The following PTPN9 variants were observed in gnomAD, a reference collection of about 807,000 sequenced individuals.
The protein encoded by PTPN9 is protein tyrosine phosphatase non-receptor type 9.
Under a neutral mutation model 69.8 loss-of-function variants are expected in PTPN9, and 26 were observed. The ratio of observed to expected loss-of-function variants is 0.37; its 90% CI spans 0.27 to 0.52. The LOEUF is 0.52. Among genes scored for constraint, PTPN9 ranks in the 20% least tolerant of loss-of-function variants. The pLI is 0.91. For missense variants in PTPN9, 549 were observed against 740.3 expected, an observed-to-expected ratio of 0.74 and a Z score of 3.00; for synonymous variants, 274 against 272.5, an observed-to-expected ratio of 1.01 and a Z score of -0.05.
At chr15:75,551,137 G>A (rs1256159397) in intron 1 of PTPN9, among the ~76,000 whole-genome samples, 1 of 152,124 alleles carries the variant, frequency 6.6e-6, no homozygotes, top group Non-Finnish European at 1.5e-5. Context: ...AAATCTCACT[G>A]TTGCCCAGGC....
At chr15:75,528,490 C>T (rs1169662948) in intron 1 of PTPN9, among the ~76,000 whole-genome samples, 3 of 151,952 alleles carry the variant, frequency 2.0e-5, no homozygotes, top group African/African-American at 7.3e-5. Context: ...TCAAACAATC[C>T]TCCAGCCTCA....
chr15:75,470,191 A>G (rs189712497), intron 11 of PTPN9, among the ~76,000 whole-genome samples, 192 bp from the exon 12 acceptor site: 99 of 152,230 alleles, frequency 6.5e-4, no homozygotes, highest in Admixed American at 2.2e-3. Flanking sequence ...AAAAGGCAGA[A>G]TTCCTATACT....
intron 4 of PTPN9, among the ~76,000 whole-genome samples, chr15:75,521,881 C>T (rs1406856342): frequency 2.0e-5 from 3 of 152,056 alleles, no homozygotes; most frequent in Admixed American, 6.6e-5. Flanking sequence ...AGTTTCCTGC[C>T]CTCAAGAAGC....
intron 1 of PTPN9, among the ~76,000 whole-genome samples, chr15:75,549,068 C>T (rs1416835093): frequency 2.0e-5 from 3 of 152,186 alleles, no homozygotes; most frequent in Non-Finnish European, 4.4e-5. Context: ...AAGCAATCCT[C>T]CCATCTCAGC....
intron 7 of PTPN9, among the ~76,000 whole-genome samples, chr15:75,491,064 G>A (rs946791632): frequency 6.6e-6 from 1 of 152,102 alleles, no homozygotes; most frequent in African/African-American, 2.4e-5. Flanking sequence ...CGCTATGACA[G>A]CGCCACTGCA....
At chr15:75,503,195 G>A (rs1431512023) in intron 7 of PTPN9, among the ~76,000 whole-genome samples, 1 of 150,480 alleles carries the variant, frequency 6.6e-6, no homozygotes, top group Admixed American at 6.6e-5. Context: ...AGTGAGGAGC[G>A]CCTCTTCCCG....
At chr15:75,567,900 G>T (rs2075133174) in intron 1 of PTPN9, among the ~76,000 whole-genome samples, 1 of 151,738 alleles carries the variant, frequency 6.6e-6, no homozygotes, top group Non-Finnish European at 1.5e-5. Flanking sequence ...GGAGACTGAG[G>T]CAAGAGAATG....
intron 1 of PTPN9, among the ~76,000 whole-genome samples, chr15:75,578,153 T>C (rs2075182394): frequency 6.6e-6 from 1 of 151,942 alleles, no homozygotes; most frequent in Non-Finnish European, 1.5e-5. Flanking sequence ...GCCAGGGACT[T>C]TAGGAACACG....
intron 6 of PTPN9, 141 bp from the exon 7 acceptor site, chr15:75,506,144 A>C: frequency 1.5e-6 from 1 of 685,324 alleles, no homozygotes; most frequent in Non-Finnish European, 2.4e-6. Flanking sequence ...TAAAAGTAGT[A>C]GACTACATTT....
chr15:75,522,401 T>G (rs1462240925), intron 4 of PTPN9, among the ~76,000 whole-genome samples: 4 of 150,562 alleles, frequency 2.7e-5, no homozygotes, highest in African/African-American at 5.0e-5. Flanking sequence ...TTTTGTGGGG[T>G]TTTTTTTGAG....
intron 1 of PTPN9, among the ~76,000 whole-genome samples, chr15:75,552,224 C>G (rs1015548119): frequency 1.3e-5 from 2 of 151,008 alleles, no homozygotes; most frequent in African/African-American, 4.9e-5. Flanking sequence ...CATAGAGAAA[C>G]CCCATCTCTA....
At chr15:75,567,338 A>G (rs1260442965) in intron 1 of PTPN9, among the ~76,000 whole-genome samples, 5 of 152,150 alleles carry the variant, frequency 3.3e-5, no homozygotes, top group Admixed American at 1.3e-4. Context: ...CATTTTTTAA[A>G]AGATTGGTTG....
At chr15:75,478,306 T>C (rs941145974) in intron 9 of PTPN9, among the ~76,000 whole-genome samples, 2 of 151,622 alleles carry the variant, frequency 1.3e-5, no homozygotes, top group African/African-American at 4.9e-5. Flanking sequence ...GGTTTCTCCA[T>C]GTTGGTCAGG....
At chr15:75,486,166 G>A (rs1595949580) in intron 8 of PTPN9, among the ~76,000 whole-genome samples, 3 of 151,952 alleles carry the variant, frequency 2.0e-5, no homozygotes, top group South Asian at 4.2e-4. Flanking sequence ...GGGAAAATTG[G>A]AATAGCAGGA....
chr15:75,506,553 A>C (rs534830824), intron 6 of PTPN9, among the ~76,000 whole-genome samples: 1 of 152,190 alleles, frequency 6.6e-6, no homozygotes, highest in East Asian at 1.9e-4. Context: ...TTTTTCACCC[A>C]GCCTGGAGTG....
chr15:75,512,725 T>C, intron 5 of PTPN9: 1 of 230,568 alleles, frequency 4.3e-6, no homozygotes. Context: ...AACAAATCTT[T>C]ATTGTCTAGA....
At position 75,514,115 on chromosome 15, in the gene PTPN9, A is replaced by AG. The variant is rs1452550899; in HGVS notation, c.528+3143_528+3144insC. 9.1e-4 allele frequency among the ~76,000 whole-genome samples: 138 copies of AG among 151,324 alleles called. 1 individual carries two copies. Among genetic ancestry groups the AG allele is most frequent in the African/African-American group, 3.2e-3 (131 of 41,284 alleles). On this transcript the variant is annotated intron_variant, in intron 5 of 12. Coordinates refer to ENST00000618819, the MANE Select transcript of PTPN9 (RefSeq NM_002833.4). ...CACTCTGTCTCAAAAAAAAAAAAAA[A>AG]AAGAAAGAAAAGTGGCAAAAAGAAT...
intron 1 of PTPN9, among the ~76,000 whole-genome samples, chr15:75,548,676 CAG>C: frequency 7.8e-6 from 1 of 128,462 alleles, no homozygotes; most frequent in South Asian, 2.5e-4. Context: ...TTTTTTGAGA[CAG>C]AGTCTTGCTC....
At chr15:75,524,339 C>G in intron 2 of PTPN9, 41 bp from the exon 3 acceptor site, 1 of 1,309,546 alleles carries the variant, frequency 7.6e-7, no homozygotes, top group Non-Finnish European at 1.1e-6. Flanking sequence ...TATGAAAATA[C>G]TGTATATCCA....
Sources: gnomAD v4.1 joint callset for allele counts (sites outside exome capture counted in the v4.1 genomes callset) on GRCh38, gnomAD v4.1.1 for gene constraint, MANE v1.5 for transcripts, NCBI Gene and HGNC (gene_info 2026-07-23, HGNC 2026-07-21) for gene names.